The following RPS6KA2 variants were observed in gnomAD, a reference collection of about 807,000 sequenced individuals.
RPS6KA2 encodes the protein ribosomal protein S6 kinase A2.
Under a neutral mutation model 91.8 loss-of-function variants are expected in RPS6KA2, and 42 were observed. The observed-to-expected ratio is 0.46, with a 90% CI of 0.36 to 0.59. The LOEUF is 0.59. Among genes scored for constraint, RPS6KA2 ranks in the 20% least tolerant of loss-of-function variants. The probability of loss-of-function intolerance (pLI) is 0.00; values close to 1 mark genes in which losing one functional copy is unlikely to be tolerated. For synonymous variants in RPS6KA2, 414 were observed against 393.6 expected (o/e 1.05, Z -0.61); for missense variants, 798 against 978.5 (o/e 0.82, Z 2.46).
rs770182928 is a variant in RPS6KA2 at position 166,533,373 on chromosome 6, G to A, written c.217-2060C>T. On this transcript the variant is annotated intron_variant, in intron 2 of 20. Transcript: ENST00000265678. This position sits in a 1 kb window ranked among gnomAD's most constrained non-coding sequence, Gnocchi z 4.0. ...GAGTCCAGGAGCTGGGCAAGGCTGC[G>A]TGAGCGTCCCGGTGCCGGAGAGGCC... Among the ~76,000 whole-genome samples, 2 of 152,264 alleles carry A rather than the reference G, an allele frequency of 1.3e-5. No homozygotes were observed. Among genetic ancestry groups the A allele is most frequent in the African/African-American group, 2.4e-5 (1 of 41,480 alleles).
rs557626920 is a variant in RPS6KA2 at position 166,576,146 on chromosome 6, T to C, written c.100-37362A>G. 5.9e-5 allele frequency among the ~76,000 whole-genome samples: 9 copies of C among 152,354 alleles called. No homozygotes were observed. In the East Asian group the frequency reaches 1.7e-3, roughly 29 times the overall value. ...CATGTAAGAAGTACCTTACACCTCC[T>C]GCCATGATTCTGAGGCCTCCCCAGC... is the stretch of plus-strand genomic sequence containing the variant. On this transcript the variant is annotated intron_variant, in intron 1 of 20. Coordinates refer to ENST00000265678, the MANE Select transcript of RPS6KA2 (RefSeq NM_021135.6).
At chr6:166,422,930 A>C (rs1778775691) in intron 17 of RPS6KA2, among the ~76,000 whole-genome samples, 2 of 152,232 alleles carry the variant, frequency 1.3e-5, no homozygotes, top group Admixed American at 6.5e-5. Context: ...TGGTTGTATA[A>C]GGAGACTACT....
rs1017525746 is a variant in RPS6KA2, at chr6:166,459,668, T to C, written c.973-117A>G. On this transcript the variant is annotated intron_variant, in intron 11 of 20. Coordinates refer to ENST00000265678, the MANE Select transcript of RPS6KA2 (RefSeq NM_021135.6). This position sits in a 1 kb window ranked among gnomAD's most constrained non-coding sequence, Gnocchi z 4.9. ...AAGGATGTTCTTATCACAGACTGCATTGGCCTTGTGGATTACAAGGGATTT... is the reference window on the plus strand; with the variant it reads ...AAGGATGTTCTTATCACAGACTGCACTGGCCTTGTGGATTACAAGGGATTT... The C allele has an allele frequency of 3.6e-5, 24 of 671,690 alleles. No individual in the cohort carries two copies. Among genetic ancestry groups the C allele is most frequent in the Non-Finnish European group, 5.5e-5 (21 of 382,968 alleles). The allele number at this position is 671,690 out of a possible 1,614,324, so 41.6% of individuals were successfully genotyped here. A position where few individuals can be genotyped will look rare whatever the true frequency, so the allele number is the denominator to read the frequency against.
intron 2 of RPS6KA2, among the ~76,000 whole-genome samples, chr6:166,681,112 G>C (rs917185824): frequency 6.6e-6 from 1 of 152,176 alleles, no homozygotes; most frequent in Admixed American, 6.5e-5. Context: ...AGGTGGAAAG[G>C]GCAGAGAGGC....
chr6:166,853,415 C>A (rs534255373), intron 2 of RPS6KA2, among the ~76,000 whole-genome samples: 2 of 152,192 alleles, frequency 1.3e-5, no homozygotes, highest in South Asian at 4.1e-4. Flanking sequence ...CACAGAGACC[C>A]GGGAGCCTGG....
At chr6:166,597,624 A>G (rs1785583763) in intron 1 of RPS6KA2, among the ~76,000 whole-genome samples, 1 of 152,252 alleles carries the variant, frequency 6.6e-6, no homozygotes, top group Admixed American at 6.5e-5. Context: ...CTGGAATGCA[A>G]TGATCATGGA....
At chr6:166,577,062 A>G (rs778259408) in intron 1 of RPS6KA2, among the ~76,000 whole-genome samples, 1 of 152,236 alleles carries the variant, frequency 6.6e-6, no homozygotes, top group Non-Finnish European at 1.5e-5. Flanking sequence ...AAGCCTTGGC[A>G]GCTTCCATGT....
At chr6:166,527,150 G>A (rs1783080834) in intron 3 of RPS6KA2, among the ~76,000 whole-genome samples, 1 of 152,250 alleles carries the variant, frequency 6.6e-6, no homozygotes, top group African/African-American at 2.4e-5. Context: ...TAAACAGGGT[G>A]CAGCTTCCCG....
chr6:166,466,165 C>T (rs6906990), intron 11 of RPS6KA2, among the ~76,000 whole-genome samples: 2,808 of 152,314 alleles, frequency 0.018, 94 homozygotes, highest in African/African-American at 0.063. Flanking sequence ...TTTGAAATCA[C>T]GCAGAAATGC....
At chr6:166,496,833 T>G (rs892433026) in intron 8 of RPS6KA2, among the ~76,000 whole-genome samples, 1 of 152,160 alleles carries the variant, frequency 6.6e-6, no homozygotes, top group African/African-American at 2.4e-5. Flanking sequence ...GTTTAAGAAC[T>G]GGAATCTCTC....
Position 166,448,606 on chromosome 6 carries a change from C to A in RPS6KA2, c.1332+118G>T. On this transcript the variant is annotated intron_variant, in intron 14 of 20. Transcript: ENST00000265678. This position sits in a 1 kb window ranked among gnomAD's most constrained non-coding sequence, Gnocchi z 4.7. ...CTCCCATGTGCTGTACATGCTCCCA[C>A]ACGCTGCACTCACACAGGGCCCTGC... The A allele has an allele frequency of 7.7e-7, 1 of 1,304,206 alleles. No homozygotes were observed. The highest frequency in any genetic ancestry group is 1.4e-5 in the South Asian group (1 of 70,020). 80.8% of individuals were successfully genotyped at this position (1,304,206 alleles called of 1,614,324 possible). A position where few individuals can be genotyped will look rare whatever the true frequency, so the allele number is the denominator to read the frequency against.
At chr6:166,618,916 G>A (rs138626282) in intron 1 of RPS6KA2, among the ~76,000 whole-genome samples, 251 of 151,750 alleles carry the variant, frequency 1.7e-3, no homozygotes, top group Non-Finnish European at 2.9e-3. Context: ...CACACTGGAC[G>A]CTGCGCGCAA....
At chr6:166,477,635 C>G (rs894065036) in intron 10 of RPS6KA2, among the ~76,000 whole-genome samples, 2 of 152,214 alleles carry the variant, frequency 1.3e-5, no homozygotes, top group African/African-American at 4.8e-5. Context: ...TGACTCTGGC[C>G]AGGCACAGTG....
chr6:166,659,548 A>G (rs1279836853), intron 2 of RPS6KA2, among the ~76,000 whole-genome samples: 3 of 152,248 alleles, frequency 2.0e-5, no homozygotes, highest in Non-Finnish European at 4.4e-5. Flanking sequence ...GTAGCCATAA[A>G]TATGCATCTT....
In RPS6KA2 at chr6:166,560,611, G is replaced by A. The variant is rs79801797; in HGVS notation, c.100-21827C>T. On this transcript the variant is annotated intron_variant, in intron 1 of 20. Coordinates refer to ENST00000265678, the MANE Select transcript of RPS6KA2 (RefSeq NM_021135.6). ...TCACAAAACACACACCCATTGTGAC[G>A]GGAAATCACAGCAGAAAAAAGAGAA... Among the ~76,000 whole-genome samples the A allele has an allele frequency of 9.6e-3, 1,462 of 152,234 alleles. 21 individuals are homozygous for A. Among genetic ancestry groups the A allele is most frequent in the African/African-American group, 0.033 (1,354 of 41,544 alleles).
intron 2 of RPS6KA2, among the ~76,000 whole-genome samples, chr6:166,778,976 C>T (rs1315254593): frequency 6.6e-6 from 1 of 152,174 alleles, no homozygotes; most frequent in Non-Finnish European, 1.5e-5. Context: ...AGCAGTTTGT[C>T]GATAGCAGAT....
chr6:166,626,820 T>A lies in RPS6KA2; in HGVS notation c.99+101A>T. On this transcript the variant is annotated intron_variant, in intron 1 of 20. Transcript: ENST00000265678. The surrounding 1 kb of genome is among the most constrained non-coding windows in gnomAD (Gnocchi z 4.1). ...CAGCTTTCCAGTAACTTGAACTCCC[T>A]GACGGGTCTCGGGGTCCACCCAGGG... The A allele has an allele frequency of 4.1e-6, 4 of 975,266 alleles. No individual in the cohort carries two copies. Among genetic ancestry groups the A allele is most frequent in the Non-Finnish European group, 5.4e-6 (4 of 743,356 alleles). The allele number at this position is 975,266 out of a possible 1,614,324, so 60.4% of individuals were successfully genotyped here.
At chr6:166,484,497 C>G (rs914502690) in intron 10 of RPS6KA2, among the ~76,000 whole-genome samples, 5 of 152,184 alleles carry the variant, frequency 3.3e-5, no homozygotes, top group Non-Finnish European at 5.9e-5. Context: ...AGAGAACTCC[C>G]AGGGGCTTCC....
At chr6:166,760,960 G>A (rs1407077921) in intron 2 of RPS6KA2, among the ~76,000 whole-genome samples, 1 of 152,222 alleles carries the variant, frequency 6.6e-6, no homozygotes, top group Non-Finnish European at 1.5e-5. Context: ...TCATGTGAGA[G>A]CTAGTGGGTT....
Sources: allele counts gnomAD v4.1 joint callset (sites outside exome capture counted in the v4.1 genomes callset), GRCh38; gene constraint gnomAD v4.1.1; non-coding constraint Gnocchi (gnomAD v3.1); transcripts MANE v1.5; gene names NCBI Gene and HGNC (gene_info 2026-07-23, HGNC 2026-07-21).